Variants in GABRB1 observed in about 807,000 individuals in gnomAD.
GABRB1 encodes the protein gamma-aminobutyric acid receptor subunit beta-1.
Under a neutral mutation model 51.6 loss-of-function variants are expected in GABRB1, and 17 were observed. The observed-to-expected ratio is 0.33, with a 90% confidence interval of 0.23 to 0.49. The LOEUF (loss-of-function observed/expected upper bound fraction) is 0.49, where lower values mean the gene tolerates loss of function less well. Among genes scored for constraint, GABRB1 ranks in the 20% least tolerant of loss-of-function variants. GABRB1 has a pLI of 0.99. For synonymous variants in GABRB1, 247 were observed against 218.9 expected (o/e 1.13, Z -1.14); for missense variants, 410 against 600.6 (o/e 0.68, Z 3.32).
At chr4:47,006,832 A>C (rs1388570283) in intron 1 of GABRB1, among the ~76,000 whole-genome samples, 1 of 152,236 alleles carries the variant, frequency 6.6e-6, no homozygotes, top group Non-Finnish European at 1.5e-5. Context: ...ACACTGAATA[A>C]CAAAACCAAT....
intron 5 of GABRB1, among the ~76,000 whole-genome samples, chr4:47,351,261 T>C (rs1726318181): frequency 6.6e-6 from 1 of 152,170 alleles, no homozygotes; most frequent in African/African-American, 2.4e-5. Flanking sequence ...AAATGTAGCC[T>C]CCTTCATCTA....
rs780169978 is a variant in GABRB1, at chr4:47,425,973, C to A, written c.1380C>A (p.Thr460=). Residue 460 remains threonine (T), a synonymous_variant, in exon 9 of 9, where the codon ACC becomes ACA. Transcript: ENST00000295454. ...DKWSRMFFPI[T]FSLFNVVYWL... ...GGTCCCGAATGTTTTTCCCCATCAC[C>A]TTTTCTCTTTTTAATGTCGTCTATT... The A allele has an allele frequency of 1.7e-5, 27 of 1,609,596 alleles. No individual in the cohort carries two copies. The highest frequency in any genetic ancestry group is 2.1e-5 in the Non-Finnish European group (25 of 1,177,216).
chr4:47,326,303 A>G (rs1471174258), intron 5 of GABRB1, among the ~76,000 whole-genome samples: 1 of 152,154 alleles, frequency 6.6e-6, no homozygotes. Flanking sequence ...CACAGTGCCT[A>G]CGTCATTCAC....
intron 5 of GABRB1, among the ~76,000 whole-genome samples, chr4:47,339,714 G>A (rs1199564231): frequency 1.3e-5 from 2 of 152,018 alleles, no homozygotes; most frequent in Non-Finnish European, 2.9e-5. Flanking sequence ...AGAAAGTGGC[G>A]AAGCCCAGAC....
intron 3 of GABRB1, among the ~76,000 whole-genome samples, chr4:47,054,914 C>A (rs1310650816): frequency 6.6e-6 from 1 of 152,086 alleles, no homozygotes; most frequent in African/African-American, 2.4e-5. Flanking sequence ...TTAAAGTTGT[C>A]ATTTCATAAG....
chr4:47,013,709 G>A (rs550779779), intron 1 of GABRB1, among the ~76,000 whole-genome samples: 8 of 151,962 alleles, frequency 5.3e-5, no homozygotes, highest in Admixed American at 2.6e-4. Context: ...AGTTATTTAG[G>A]GGGCACTTTG....
At chr4:47,219,072 T>G (rs17539361) in intron 4 of GABRB1, among the ~76,000 whole-genome samples, 11,860 of 151,844 alleles carry the variant, frequency 0.078, 595 homozygotes, top group Non-Finnish European at 0.11. Context: ...TTTAACAACC[T>G]CCCTCCTATT....
chr4:47,159,572 T>A (rs2109734368), intron 3 of GABRB1, among the ~76,000 whole-genome samples: 1 of 152,124 alleles, frequency 6.6e-6, no homozygotes, highest in Non-Finnish European at 1.5e-5. Context: ...AAGGATATTG[T>A]GTGACTAACA....
At chr4:47,060,217 A>G (rs1726788421) in intron 3 of GABRB1, among the ~76,000 whole-genome samples, 2 of 152,202 alleles carry the variant, frequency 1.3e-5, no homozygotes, top group Non-Finnish European at 2.9e-5. Context: ...TGTGCTTTAT[A>G]TAGGTGACAA....
chr4:46,997,035 G>C lies in GABRB1; in HGVS notation c.-20+3109G>C, dbSNP rs181240310. Among the ~76,000 whole-genome samples, 3 of 152,146 alleles carry C rather than the reference G, an allele frequency of 2.0e-5. No homozygotes were observed. In the East Asian group the frequency reaches 5.8e-4, roughly 29 times the overall value. On this transcript the variant is annotated intron_variant, in intron 1 of 3. Transcript: ENST00000513567. ...CAATTTTATGTTAATGTATTTCTCT[G>C]TCCCTCGTATTTTGCATAGGTGGGA...
At position 47,009,805 on chromosome 4, in the gene GABRB1, G is replaced by A. The variant is rs929203635; in HGVS notation, c.-20+15879G>A. On this transcript the variant is annotated intron_variant, in intron 1 of 3. Transcript: ENST00000513567. ...ATGTATTGACCACTGAGTGATTGAG[G>A]TAGTACTCAACAGGTGGTCTTCAGC... Among the ~76,000 whole-genome samples, 3 of 152,196 alleles carry A rather than the reference G, an allele frequency of 2.0e-5. No homozygotes were observed. In the East Asian group the frequency reaches 5.8e-4, roughly 29 times the overall value.
chr4:47,189,470 A>G (rs1719335978), intron 4 of GABRB1, among the ~76,000 whole-genome samples: 1 of 151,884 alleles, frequency 6.6e-6, no homozygotes, highest in African/African-American at 2.4e-5. Context: ...GATAGAATAT[A>G]AGAAACTATC....
intron 3 of GABRB1, among the ~76,000 whole-genome samples, chr4:47,071,078 G>T (rs6824550): frequency 1.3e-5 from 2 of 151,948 alleles, no homozygotes; most frequent in Non-Finnish European, 2.9e-5. Context: ...TGCTCAGATC[G>T]TCCATTTAAT....
chr4:47,356,743 G>C (rs553194533), intron 5 of GABRB1, among the ~76,000 whole-genome samples: 1 of 152,154 alleles, frequency 6.6e-6, no homozygotes, highest in South Asian at 2.1e-4. Flanking sequence ...CTTCCATCCC[G>C]TAATGTTCAT....
At chr4:47,150,192 C>CACACACACA (rs1717365794) in intron 3 of GABRB1, among the ~76,000 whole-genome samples, 1 of 17,560 alleles carries the variant, frequency 5.7e-5, no homozygotes, top group Non-Finnish European at 2.1e-4. Context: ...AACACACACA[C>CACACACACA]ACACACACAC....
intron 5 of GABRB1, among the ~76,000 whole-genome samples, chr4:47,351,893 AG>A (rs1315404030): frequency 6.6e-6 from 1 of 152,084 alleles, no homozygotes; most frequent in Non-Finnish European, 1.5e-5. Flanking sequence ...TCTTTATAAC[AG>A]CATGATTTAT....
intron 4 of GABRB1, among the ~76,000 whole-genome samples, chr4:47,215,484 C>T (rs1309781757): frequency 1.2e-4 from 18 of 151,596 alleles, no homozygotes; most frequent in Admixed American, 1.2e-3. Flanking sequence ...TGAGCAACAA[C>T]CAGACCAAAA....
intron 1 of GABRB1, among the ~76,000 whole-genome samples, chr4:47,012,700 A>G (rs1369546713): frequency 6.6e-6 from 1 of 152,214 alleles, no homozygotes; most frequent in Non-Finnish European, 1.5e-5. Flanking sequence ...GTGTTGACAC[A>G]GGTATCTGGC....
intron 1 of GABRB1, among the ~76,000 whole-genome samples, chr4:47,017,139 C>T (rs927227146): frequency 1.3e-5 from 2 of 152,176 alleles, no homozygotes; most frequent in Non-Finnish European, 2.9e-5. Context: ...AATTCCAGAT[C>T]TGCAATTTAC....
Sources: gnomAD v4.1 joint callset for allele counts (sites outside exome capture counted in the v4.1 genomes callset) on GRCh38, gnomAD v4.1.1 for gene constraint, MANE v1.5 for transcripts, NCBI Gene and HGNC (gene_info 2026-07-23, HGNC 2026-07-21) for gene names.